The following GRAMD1B variants were observed in gnomAD, a reference collection of about 807,000 sequenced individuals.
The protein encoded by GRAMD1B is protein Aster-B.
GRAMD1B carries 37 observed loss-of-function variants against 99.7 expected under a neutral mutation model. That is an observed-to-expected ratio of 0.37 (90% confidence interval 0.29 to 0.49). The LOEUF (loss-of-function observed/expected upper bound fraction) is 0.49, where lower values mean the gene tolerates loss of function less well. Among genes scored for constraint, GRAMD1B ranks in the 20% least tolerant of loss-of-function variants. GRAMD1B has a pLI of 0.98. For synonymous variants in GRAMD1B, 427 were observed against 387.6 expected, an observed-to-expected ratio of 1.10 and a Z score of -1.19; for missense variants, 888 against 1,009.2, an observed-to-expected ratio of 0.88 and a Z score of 1.63.
At chr11:123,417,329 C>T (rs1036758817) in intron 1 of GRAMD1B, among the ~76,000 whole-genome samples, 2 of 152,058 alleles carry the variant, frequency 1.3e-5, no homozygotes, top group African/African-American at 2.4e-5. Context: ...GCTGAGATCG[C>T]GCCATTGCAC....
intron 9 of GRAMD1B, 139 bp from the exon 10 acceptor site, chr11:123,605,183 G>A (rs977774107): frequency 5.6e-6 from 3 of 534,366 alleles, no homozygotes; most frequent in Non-Finnish European, 9.1e-6. Context: ...GGGATTTTTG[G>A]TTAGAGGAAG....
chr11:123,574,130 G>A (rs910686792), intron 2 of GRAMD1B, among the ~76,000 whole-genome samples: 4 of 151,924 alleles, frequency 2.6e-5, no homozygotes, highest in Non-Finnish European at 4.4e-5. Context: ...AGATGCAGAG[G>A]GCAAGGGCTC....
chr11:123,358,703 G>A (rs1360723309), exon 1 of GRAMD1B: 1 of 152,490 alleles, frequency 6.6e-6, no homozygotes, highest in East Asian at 1.9e-4. Context: ...GGGGAGACGT[G>A]GTGAGCAGTA....
intron 1 of GRAMD1B, among the ~76,000 whole-genome samples, chr11:123,474,344 T>A (rs1022843336): frequency 5.9e-5 from 9 of 152,232 alleles, no homozygotes; most frequent in Non-Finnish European, 1.3e-4. Context: ...ATCTGACTGT[T>A]AGAAAAGTGA....
intron 5 of GRAMD1B, among the ~76,000 whole-genome samples, chr11:123,594,464 T>A (rs997233049): frequency 5.9e-5 from 9 of 152,232 alleles, no homozygotes; most frequent in African/African-American, 1.7e-4. Context: ...TGAATTTTGT[T>A]GGTCTTTTCC....
chr11:123,612,884 C>A lies in GRAMD1B; in HGVS notation c.2023+20C>A. Reference sequence around the variant, plus strand: ...ATTTAGGTGAGCACTGCAATCCTTGCTGCTAGCTGGGCTGCAGAGATGGTA... The same window carrying A: ...ATTTAGGTGAGCACTGCAATCCTTGATGCTAGCTGGGCTGCAGAGATGGTA... On this transcript the variant is annotated intron_variant, in intron 15 of 19. Transcript: ENST00000635736. 1 of 1,387,866 alleles carries A rather than the reference C, an allele frequency of 7.2e-7. No homozygotes were observed. The highest frequency in any genetic ancestry group is 1.0e-6 in the Non-Finnish European group (1 of 977,176). The allele number at this position is 1,387,866 out of a possible 1,614,324, so 86.0% of individuals were successfully genotyped here.
intron 1 of GRAMD1B, among the ~76,000 whole-genome samples, chr11:123,445,578 G>T (rs140585984): frequency 1.3e-5 from 2 of 152,192 alleles, no homozygotes; most frequent in African/African-American, 4.8e-5. Flanking sequence ...AACTTTGGGA[G>T]GCCAAGGTGG....
In GRAMD1B at chr11:123,525,976, G is replaced by A. The variant is rs535559743; in HGVS notation, c.452+45083G>A. The A allele has an allele frequency of 7.7e-5, 47 of 613,572 alleles. No homozygotes were observed. In the Middle Eastern group the frequency reaches 1.1e-3, roughly 14 times the overall value. 38.0% of individuals were successfully genotyped at this position (613,572 alleles called of 1,614,324 possible). On this transcript the variant is annotated intron_variant, in intron 2 of 19. Transcript: ENST00000635736. ...AGAGGGGGAAGAAGGGGCAGTGGCAGCAGTTCTTCTGGCTCTTTCTCCCTT... is the reference window on the plus strand; with the variant it reads ...AGAGGGGGAAGAAGGGGCAGTGGCAACAGTTCTTCTGGCTCTTTCTCCCTT...
At chr11:123,550,682 C>G (rs1053424582) in intron 2 of GRAMD1B, among the ~76,000 whole-genome samples, 5 of 152,142 alleles carry the variant, frequency 3.3e-5, no homozygotes, top group African/African-American at 7.2e-5. Context: ...ATCCAGCAAG[C>G]AGACATCCCT....
intron 1 of GRAMD1B, among the ~76,000 whole-genome samples, chr11:123,440,639 T>C (rs980282241): frequency 6.6e-6 from 1 of 152,184 alleles, no homozygotes; most frequent in African/African-American, 2.4e-5. Context: ...ATTGATCTGT[T>C]TGTGTTGTTA....
chr11:123,474,645 C>T (rs1951174732), intron 1 of GRAMD1B, among the ~76,000 whole-genome samples: 1 of 152,226 alleles, frequency 6.6e-6, no homozygotes, highest in Non-Finnish European at 1.5e-5. Flanking sequence ...CAAATAAAGG[C>T]AGGGGGCAAA....
chr11:123,403,106 C>T (rs561650524), intron 1 of GRAMD1B, among the ~76,000 whole-genome samples: 1 of 152,186 alleles, frequency 6.6e-6, no homozygotes, highest in East Asian at 1.9e-4. Context: ...TCCCCAAAGG[C>T]AATCATTCCT....
At chr11:123,605,623 C>T in intron 10 of GRAMD1B, 145 bp downstream of exon 10, 2 of 664,192 alleles carry the variant, frequency 3.0e-6, no homozygotes, top group Non-Finnish European at 5.1e-6. Context: ...CATTCTGGAG[C>T]AGATGGGCTC....
chr11:123,609,775 G>A lies in GRAMD1B; in HGVS notation c.1658-20G>A. On this transcript the variant is annotated intron_variant, in intron 12 of 19. Coordinates refer to ENST00000635736, the MANE Select transcript of GRAMD1B (RefSeq NM_001387025.1). Reference sequence around the variant, plus strand: ...GCTCTGCCCTCCCTTCCTCATTCCAGGGCTCTCCTCTACCCTTAGATATCA... The same window carrying A: ...GCTCTGCCCTCCCTTCCTCATTCCAAGGCTCTCCTCTACCCTTAGATATCA... 7.3e-7 allele frequency: 1 copy of A among 1,367,324 alleles called. No homozygotes were observed. Among genetic ancestry groups the A allele is most frequent in the South Asian group, 1.2e-5 (1 of 80,974 alleles). The allele number at this position is 1,367,324 out of a possible 1,614,324, so 84.7% of individuals were successfully genotyped here.
chr11:123,613,201 T>C, intron 15 of GRAMD1B: 1 of 569,288 alleles, frequency 1.8e-6, no homozygotes, highest in Non-Finnish European at 3.1e-6. Flanking sequence ...ATTTAAGACG[T>C]GTATGCCCCA....
At chr11:123,456,808 T>C (rs1950141952) in intron 1 of GRAMD1B, among the ~76,000 whole-genome samples, 1 of 149,976 alleles carries the variant, frequency 6.7e-6, no homozygotes, top group African/African-American at 2.5e-5. Context: ...TAGTCCCAGC[T>C]ACTGTGGAGG....
chr11:123,449,714 C>CTTTGT (rs1949797273), intron 1 of GRAMD1B, among the ~76,000 whole-genome samples: 1 of 99,988 alleles, frequency 1.0e-5, no homozygotes, highest in Non-Finnish European at 2.1e-5. Context: ...CCATGCCTGG[C>CTTTGT]TTTTTTTTTT....
At chr11:123,598,400 C>T (rs1223128294) in intron 7 of GRAMD1B, 2 of 947,386 alleles carry the variant, frequency 2.1e-6, no homozygotes, top group Non-Finnish European at 1.7e-6. Context: ...CTTCTCCTGT[C>T]CTTGCTTGCT....
rs545997454 is a variant in GRAMD1B at position 123,488,595 on chromosome 11, G to A, written c.452+7702G>A. Among the ~76,000 whole-genome samples, 24 of 152,276 alleles carry A rather than the reference G, an allele frequency of 1.6e-4. No homozygotes were observed. In the East Asian group the frequency reaches 3.1e-3, roughly 20 times the overall value. ...AAGGCCATGGGGGTGATGACGTGTC[G>A]GAACGGAGGTGTGAACCTGGGGAGC... is the stretch of plus-strand genomic sequence containing the variant. On this transcript the variant is annotated intron_variant, in intron 2 of 19. Transcript: ENST00000635736.
Sources: allele counts gnomAD v4.1 joint callset (sites outside exome capture counted in the v4.1 genomes callset), GRCh38; gene constraint gnomAD v4.1.1; transcripts MANE v1.5; gene names NCBI Gene and HGNC (gene_info 2026-07-23, HGNC 2026-07-21).